Variants in TRPM3 observed in about 807,000 individuals in gnomAD.
TRPM3 encodes the protein long transient receptor potential channel 3.
TRPM3 carries 77 observed loss-of-function variants against 181.2 expected under a neutral mutation model. The ratio of observed to expected loss-of-function variants is 0.42; its 90% CI spans 0.35 to 0.51. The LOEUF is 0.51. TRPM3 is among the 20% of genes least tolerant of loss of function. The pLI is 0.01. For missense variants in TRPM3, 1,759 were observed against 2,196.7 expected, an observed-to-expected ratio of 0.80 and a Z score of 3.98; for synonymous variants, 745 against 796.4, an observed-to-expected ratio of 0.94 and a Z score of 1.09.
At chr9:70,780,567 C>A (rs907133026) in intron 7 of TRPM3, among the ~76,000 whole-genome samples, 2 of 151,788 alleles carry the variant, frequency 1.3e-5, no homozygotes, top group Non-Finnish European at 2.9e-5. Context: ...CACACTACTG[C>A]AAGATAATGT....
chr9:70,907,573 T>C (rs924724182), intron 1 of TRPM3, among the ~76,000 whole-genome samples: 2 of 152,194 alleles, frequency 1.3e-5, no homozygotes, highest in Admixed American at 6.5e-5. Flanking sequence ...TATTTTAGAT[T>C]CAAGGGTATA....
chr9:71,445,434 C>G (rs2094190635), intron 1 of TRPM3, among the ~76,000 whole-genome samples: 1 of 152,118 alleles, frequency 6.6e-6, no homozygotes, highest in African/African-American at 2.4e-5. Context: ...AATCACTTGC[C>G]TTTTTAGCGG....
rs140025310 is a variant in TRPM3, at chr9:70,571,113, A to G, written c.3224-17803T>C. On this transcript the variant is annotated intron_variant, in intron 22 of 25. Coordinates refer to ENST00000677713, the MANE Select transcript of TRPM3 (RefSeq NM_001366145.2). ...AGGAAAAGTCTCTCCTTTCTAGACT[A>G]ATGACCTGCAGCAAAAGCTTATCTC... Among the ~76,000 whole-genome samples the G allele has an allele frequency of 8.9e-4, 135 of 152,248 alleles. 1 individual carries two copies. The Middle Eastern group carries it at 0.014, about 15-fold the overall frequency.
intron 1 of TRPM3, among the ~76,000 whole-genome samples, chr9:71,394,050 T>C (rs371654244): frequency 2.5e-4 from 38 of 152,192 alleles, no homozygotes; most frequent in Non-Finnish European, 5.3e-4. Context: ...ACTGATTTCA[T>C]TAGACCCTCA....
chr9:71,325,564 C>T (rs1169356271), intron 1 of TRPM3, among the ~76,000 whole-genome samples: 1 of 152,076 alleles, frequency 6.6e-6, no homozygotes, highest in Non-Finnish European at 1.5e-5. Context: ...GAGGACACAA[C>T]ATGGTTTAAA....
intron 1 of TRPM3, among the ~76,000 whole-genome samples, chr9:70,873,633 ACT>A (rs1054306421): frequency 2.0e-5 from 3 of 151,696 alleles, no homozygotes; most frequent in African/African-American, 2.4e-5. Context: ...ATTCTTTAAA[ACT>A]CTGCATGAAA....
intron 1 of TRPM3, among the ~76,000 whole-genome samples, chr9:71,152,387 A>G (rs2075779998): frequency 6.6e-6 from 1 of 152,168 alleles, no homozygotes; most frequent in Non-Finnish European, 1.5e-5. Context: ...TAATATACCT[A>G]TATGACTAAA....
intron 1 of TRPM3, among the ~76,000 whole-genome samples, chr9:71,401,830 T>C (rs1452107683): frequency 2.0e-5 from 3 of 152,192 alleles, no homozygotes; most frequent in African/African-American, 7.2e-5. Context: ...AATAAAGCTA[T>C]GCTCAGATTT....
At chr9:70,864,538 AAAAG>A in intron 1 of TRPM3, 27 bp from the exon 2 acceptor site, 15 of 1,433,804 alleles carry the variant, frequency 1.0e-5, no homozygotes, top group East Asian at 2.4e-5. Context: ...AAAAAAAAAA[AAAAG>A]AAAAAAGAAA....
chr9:71,071,791 A>G (rs907037796), intron 1 of TRPM3, among the ~76,000 whole-genome samples: 5 of 152,184 alleles, frequency 3.3e-5, no homozygotes, highest in Admixed American at 2.6e-4. Context: ...TGAACCTGCA[A>G]TGTAAGTGGA....
intron 1 of TRPM3, among the ~76,000 whole-genome samples, chr9:71,293,606 GA>G (rs34356760): frequency 0.19 from 28,391 of 148,836 alleles, 2,749 homozygotes; most frequent in African/African-American, 0.25. Context: ...TACATTTGTG[GA>G]AAAAAAAAAG....
At chr9:70,579,969 A>G (rs1040870655) in intron 22 of TRPM3, among the ~76,000 whole-genome samples, 9 of 152,040 alleles carry the variant, frequency 5.9e-5, no homozygotes, top group African/African-American at 1.9e-4. Flanking sequence ...ACCTGCCCCC[A>G]TTTCAACGCC....
chr9:70,890,017 G>A (rs1022901100), intron 1 of TRPM3, among the ~76,000 whole-genome samples: 1 of 146,252 alleles, frequency 6.8e-6, no homozygotes, highest in Non-Finnish European at 1.5e-5. Context: ...ATTCTATATA[G>A]CATATATAAA....
At chr9:71,382,668 A>G (rs1371491053) in intron 1 of TRPM3, among the ~76,000 whole-genome samples, 1 of 149,622 alleles carries the variant, frequency 6.7e-6, no homozygotes, top group East Asian at 2.0e-4. Context: ...AGAGCAATAT[A>G]ACTTTTATAT....
intron 1 of TRPM3, among the ~76,000 whole-genome samples, chr9:71,289,185 G>A (rs913112809): frequency 6.6e-6 from 1 of 151,036 alleles, no homozygotes; most frequent in African/African-American, 2.4e-5. Flanking sequence ...GAGAGAGACA[G>A]CAGAAAACGC....
chr9:70,909,641 T>C (rs987024687), intron 1 of TRPM3, among the ~76,000 whole-genome samples: 3 of 152,050 alleles, frequency 2.0e-5, no homozygotes, highest in African/African-American at 7.2e-5. Flanking sequence ...ATAAATTGGG[T>C]ACAATATACA....
At chr9:70,763,761 G>A (rs1187918840) in intron 7 of TRPM3, among the ~76,000 whole-genome samples, 1 of 152,200 alleles carries the variant, frequency 6.6e-6, no homozygotes, top group Non-Finnish European at 1.5e-5. Context: ...CACCAGTGGA[G>A]TAGAAAGATG....
At chr9:71,366,521 T>G (rs1057410865) in intron 1 of TRPM3, among the ~76,000 whole-genome samples, 8 of 152,118 alleles carry the variant, frequency 5.3e-5, no homozygotes, top group African/African-American at 1.9e-4. Context: ...ACACCTAAGC[T>G]ACCTACAGAA....
chr9:71,250,628 G>C (rs1350473099), intron 1 of TRPM3, among the ~76,000 whole-genome samples: 4 of 152,138 alleles, frequency 2.6e-5, no homozygotes, highest in Admixed American at 2.6e-4. Context: ...TAGTCTCAAG[G>C]AGCGCTTTGG....
Sources: allele counts gnomAD v4.1 joint callset (sites outside exome capture counted in the v4.1 genomes callset), GRCh38; gene constraint gnomAD v4.1.1; transcripts MANE v1.5; gene names NCBI Gene and HGNC (gene_info 2026-07-23, HGNC 2026-07-21).